The following CCDC102B variants were observed in gnomAD, a reference collection of about 807,000 sequenced individuals.
The protein encoded by CCDC102B is coiled-coil domain containing 102B.
A neutral mutation model predicts 57.4 loss-of-function variants in CCDC102B; 75 were observed. That is an observed-to-expected ratio of 1.31 (90% CI 1.08 to 1.58). CCDC102B has a LOEUF of 1.58. Ranked by LOEUF, CCDC102B falls within the 40% of genes most tolerant of loss-of-function variation. The pLI, the probability that CCDC102B is intolerant of heterozygous loss-of-function variation, is 0.00. For synonymous variants in CCDC102B, 206 were observed against 201.9 expected, an observed-to-expected ratio of 1.02 and a Z score of -0.17; for missense variants, 636 against 582.6, an observed-to-expected ratio of 1.09 and a Z score of -0.94.
intron 2 of CCDC102B, among the ~76,000 whole-genome samples, chr18:68,776,128 T>C (rs917929448): frequency 6.6e-6 from 1 of 152,216 alleles, no homozygotes; most frequent in Non-Finnish European, 1.5e-5. Flanking sequence ...TTTCATAGTT[T>C]CCATCTTTTT....
intron 2 of CCDC102B, among the ~76,000 whole-genome samples, chr18:68,729,811 T>C (rs191823449): frequency 1.2e-4 from 18 of 152,266 alleles, no homozygotes; most frequent in Non-Finnish European, 2.2e-4. Flanking sequence ...AAAGACACCA[T>C]GAAGAAAGTG....
intron 6 of CCDC102B, among the ~76,000 whole-genome samples, chr18:68,924,039 A>C (rs1279508419): frequency 1.1e-4 from 17 of 152,052 alleles, no homozygotes; most frequent in Non-Finnish European, 1.5e-5. Flanking sequence ...GTAGGATTAA[A>C]GTTTCTGAAC....
chr18:68,774,498 C>T (rs1208883758), intron 2 of CCDC102B, among the ~76,000 whole-genome samples: 1 of 151,932 alleles, frequency 6.6e-6, no homozygotes, highest in African/African-American at 2.4e-5. Context: ...CAAAATTTCT[C>T]ATTTGCTTTA....
intron 7 of CCDC102B, among the ~76,000 whole-genome samples, chr18:69,041,387 C>A (rs2052430876): frequency 6.6e-6 from 1 of 152,054 alleles, no homozygotes; most frequent in Admixed American, 6.6e-5. Context: ...ACATGACCTA[C>A]ACTTATTGGA....
At chr18:68,765,324 G>GAAAA (rs2034407001) in intron 2 of CCDC102B, among the ~76,000 whole-genome samples, 194 of 60,392 alleles carry the variant, frequency 3.2e-3, no homozygotes, top group South Asian at 8.0e-3. Context: ...AAGGAAGGAA[G>GAAAA]GAAAGAAAGA....
At chr18:68,726,189 G>C (rs1461416905) in intron 2 of CCDC102B, among the ~76,000 whole-genome samples, 1 of 152,132 alleles carries the variant, frequency 6.6e-6, no homozygotes, top group Non-Finnish European at 1.5e-5. Flanking sequence ...AGAATAATTG[G>C]CTGCAAATTC....
At chr18:68,832,893 T>C (rs2037206810) in intron 1 of CCDC102B, among the ~76,000 whole-genome samples, 1 of 151,732 alleles carries the variant, frequency 6.6e-6, no homozygotes. Context: ...ATGTGGAAGA[T>C]GGAGTGACAA....
At chr18:68,798,639 T>C (rs1366418270) in intron 1 of CCDC102B, among the ~76,000 whole-genome samples, 1 of 152,132 alleles carries the variant, frequency 6.6e-6, no homozygotes, top group East Asian at 1.9e-4. Flanking sequence ...TCTTTTCAAT[T>C]GTTGAGTCTT....
At chr18:68,966,239 A>G (rs2145244558) in intron 6 of CCDC102B, among the ~76,000 whole-genome samples, 1 of 152,106 alleles carries the variant, frequency 6.6e-6, no homozygotes, top group Non-Finnish European at 1.5e-5. Context: ...TCTACTGGTA[A>G]TCCCTGTCTG....
intron 6 of CCDC102B, among the ~76,000 whole-genome samples, chr18:68,975,867 G>A (rs536567336): frequency 2.7e-4 from 40 of 146,448 alleles, no homozygotes; most frequent in South Asian, 1.7e-3. Context: ...AAAAAAAAGC[G>A]TCTACCTGAC....
intron 6 of CCDC102B, among the ~76,000 whole-genome samples, chr18:68,910,765 C>G (rs2040811039): frequency 1.3e-5 from 2 of 152,160 alleles, no homozygotes; most frequent in African/African-American, 4.8e-5. Flanking sequence ...GTTTTCAGTG[C>G]TGTGTTTGAC....
intron 6 of CCDC102B, among the ~76,000 whole-genome samples, chr18:68,960,208 A>C (rs1475280098): frequency 6.6e-6 from 1 of 152,110 alleles, no homozygotes; most frequent in East Asian, 1.9e-4. Flanking sequence ...TCAGCATGCA[A>C]TGAAACCTGC....
intron 6 of CCDC102B, among the ~76,000 whole-genome samples, chr18:68,938,563 G>A (rs1327964731): frequency 6.6e-6 from 1 of 151,544 alleles, no homozygotes; most frequent in Admixed American, 6.6e-5. Context: ...CTGGAATAAT[G>A]AGAATTTACC....
chr18:68,839,692 G>A (rs749407356), intron 3 of CCDC102B, among the ~76,000 whole-genome samples: 22 of 152,048 alleles, frequency 1.4e-4, no homozygotes, highest in South Asian at 1.0e-3. Flanking sequence ...AGTCCATCTC[G>A]GTTTTCATCT....
At chr18:68,916,272 C>G (rs989108464) in intron 6 of CCDC102B, among the ~76,000 whole-genome samples, 2 of 152,090 alleles carry the variant, frequency 1.3e-5, no homozygotes, top group Non-Finnish European at 2.9e-5. Flanking sequence ...ACCTAACACC[C>G]AGTAGACTAC....
intron 3 of CCDC102B, among the ~76,000 whole-genome samples, chr18:68,843,063 T>A (rs894090744): frequency 6.6e-6 from 1 of 152,156 alleles, no homozygotes; most frequent in Non-Finnish European, 1.5e-5. Flanking sequence ...TAAACACTTA[T>A]CTTTTCTAAT....
At chr18:69,029,113 A>G (rs570600534) in intron 7 of CCDC102B, among the ~76,000 whole-genome samples, 2 of 152,312 alleles carry the variant, frequency 1.3e-5, no homozygotes, top group South Asian at 2.1e-4. Context: ...ATGGAGAATG[A>G]AACAAATATG....
rs557121185 is a variant in CCDC102B, at chr18:68,964,156, A to T, written c.1264-46778A>T. ...GTCAGATATTTAAGGTTTCTTTACA[A>T]TTTTATTTTATTTTGTGCTTTCTAT... On this transcript the variant is annotated intron_variant, in intron 6 of 7. Coordinates refer to ENST00000360242, the MANE Select transcript of CCDC102B (RefSeq NM_024781.3). Among the ~76,000 whole-genome samples the T allele has an allele frequency of 1.3e-4, 20 of 151,972 alleles. 1 individual carries two copies. The East Asian group carries it at 3.5e-3, about 26-fold the overall frequency.
intron 6 of CCDC102B, among the ~76,000 whole-genome samples, chr18:68,983,534 A>G (rs1029236980): frequency 3.3e-5 from 5 of 151,998 alleles, no homozygotes; most frequent in African/African-American, 1.2e-4. Flanking sequence ...GTGATAAAAT[A>G]TATTGGATTC....
Sources: gnomAD v4.1 joint callset for allele counts (sites outside exome capture counted in the v4.1 genomes callset) on GRCh38, gnomAD v4.1.1 for gene constraint, MANE v1.5 for transcripts, NCBI Gene and HGNC (gene_info 2026-07-23, HGNC 2026-07-21) for gene names.